The following BMP7 variants were observed in gnomAD, a reference collection of about 807,000 sequenced individuals.
The protein encoded by BMP7 is osteogenic protein 1.
BMP7 carries 12 observed loss-of-function variants against 41.2 expected under a neutral mutation model. The observed-to-expected ratio is 0.29, with a 90% CI of 0.19 to 0.47. The LOEUF is 0.47. Among genes scored for constraint, BMP7 ranks in the 20% least tolerant of loss-of-function variants. BMP7 has a pLI of 0.99. For missense variants in BMP7, 467 were observed against 606.0 expected, an observed-to-expected ratio of 0.77 and a Z score of 2.41; for synonymous variants, 248 against 250.0, an observed-to-expected ratio of 0.99 and a Z score of 0.07.
At position 57,265,910 on chromosome 20, in the gene BMP7, G is replaced by T. The variant is rs779479867; in HGVS notation, c.213C>A (p.His71Gln). The T allele has an allele frequency of 6.3e-7, 1 of 1,579,888 alleles. No individual in the cohort carries two copies. Among genetic ancestry groups the T allele is most frequent in the Non-Finnish European group, 8.6e-7 (1 of 1,162,540 alleles). Residue 71 changes from histidine (H) to glutamine (Q), a missense_variant, in exon 1 of 7, where the codon CAC becomes CAA. His to Gln is a conservative substitution (Grantham distance 24). This residue lies in a region of BMP7 where 407 missense variants were observed against 485.9 expected (regional missense o/e 0.84). Transcript: ENST00000395863. Reference sequence around the variant, plus strand: ...GTGCCGAGTTGTGCTTGCCCTGGAGGTGCGGGCGCGGGCGGTGGGGCAAGC... The same window carrying T: ...GTGCCGAGTTGTGCTTGCCCTGGAGTTGCGGGCGCGGGCGGTGGGGCAAGC... ...ILGLPHRPRPHLQGKHNSAPM... is the reference protein window; with the variant it reads ...ILGLPHRPRPQLQGKHNSAPM...
At chr20:57,250,346 T>C (rs542034270) in intron 1 of BMP7, among the ~76,000 whole-genome samples, 1 of 144,988 alleles carries the variant, frequency 6.9e-6, no homozygotes, top group South Asian at 2.1e-4. Context: ...AATATATATC[T>C]ATATTAAATA....
At chr20:57,187,259 TG>T (rs1329919905) in intron 3 of BMP7, 1 of 152,204 alleles carries the variant, frequency 6.6e-6, no homozygotes, top group Non-Finnish European at 1.5e-5. Flanking sequence ...GCAAGTTGTA[TG>T]CTGGGGCCTG....
chr20:57,194,441 C>G (rs1984445989), intron 3 of BMP7, among the ~76,000 whole-genome samples: 1 of 152,134 alleles, frequency 6.6e-6, no homozygotes, highest in Non-Finnish European at 1.5e-5. Flanking sequence ...AAAACGAACG[C>G]CTGACGCTCA....
At chr20:57,262,216 C>T (rs1294068898) in intron 1 of BMP7, among the ~76,000 whole-genome samples, 1 of 152,186 alleles carries the variant, frequency 6.6e-6, no homozygotes, top group African/African-American at 2.4e-5. Context: ...GCGGAGTCGC[C>T]ATTGCCTGGG....
intron 1 of BMP7, among the ~76,000 whole-genome samples, chr20:57,233,995 C>T (rs1425734090): frequency 6.6e-6 from 1 of 152,182 alleles, no homozygotes; most frequent in Non-Finnish European, 1.5e-5. Context: ...TGATTTTGTG[C>T]TGGGCATAGC....
intron 3 of BMP7, among the ~76,000 whole-genome samples, chr20:57,201,618 G>A (rs1017437005): frequency 2.0e-5 from 3 of 152,202 alleles, no homozygotes; most frequent in Non-Finnish European, 2.9e-5. Context: ...AGCTCCAAAG[G>A]CAAACATTGT....
intron 1 of BMP7, among the ~76,000 whole-genome samples, chr20:57,231,357 G>C (rs1214115878): frequency 6.6e-6 from 1 of 152,234 alleles, no homozygotes; most frequent in East Asian, 1.9e-4. Context: ...AAGCAGTGCT[G>C]CTATGAACAT....
At chr20:57,207,811 G>GTGTTTTTT (rs1984768102) in intron 2 of BMP7, among the ~76,000 whole-genome samples, 1 of 109,982 alleles carries the variant, frequency 9.1e-6, no homozygotes. Context: ...ACCCCAGTTG[G>GTGTTTTTT]TTTTTTTTTT....
At chr20:57,236,044 G>A (rs1202484490) in intron 1 of BMP7, among the ~76,000 whole-genome samples, 1 of 152,088 alleles carries the variant, frequency 6.6e-6, no homozygotes. Flanking sequence ...CCTGGCACCC[G>A]AGGTAGGCAT....
Position 57,228,461 on chromosome 20 carries a change from A to C in BMP7, c.419-40T>G. The C allele has an allele frequency of 3.9e-5, 63 of 1,603,144 alleles. No individual in the cohort carries two copies. The highest frequency in any genetic ancestry group is 1.7e-4 in the Middle Eastern group (1 of 6,050). ...GAACACACACCAACACCGACAGCTC[A>C]TTAGTGTCTGGGTTTCACTCTCTGG... On this transcript the variant is annotated intron_variant, in intron 1 of 6. Transcript: ENST00000395863. The surrounding 1 kb of genome is among the most constrained non-coding windows in gnomAD (Gnocchi z 4.5).
intron 1 of BMP7, among the ~76,000 whole-genome samples, chr20:57,262,335 G>A (rs2066157467): frequency 6.6e-6 from 1 of 152,174 alleles, no homozygotes; most frequent in Non-Finnish European, 1.5e-5. Flanking sequence ...GAACTTAAGG[G>A]GCCCAGGCTG....
At chr20:57,188,107 C>A (rs1984260843) in intron 3 of BMP7, among the ~76,000 whole-genome samples, 1 of 152,098 alleles carries the variant, frequency 6.6e-6, no homozygotes, top group Non-Finnish European at 1.5e-5. Context: ...GGCGTGTACC[C>A]ACGAGAACTG....
rs964245532 is a variant in BMP7 at position 57,174,425 on chromosome 20, C to T, written c.1035+506G>A. Among the ~76,000 whole-genome samples the T allele has an allele frequency of 6.6e-6, 1 of 152,156 alleles. No homozygotes were observed. The highest frequency in any genetic ancestry group is 6.5e-5 in the Admixed American group (1 of 15,278). On this transcript the variant is annotated intron_variant, in intron 5 of 6. Transcript: ENST00000395863. The surrounding 1 kb of genome is among the most constrained non-coding windows in gnomAD (Gnocchi z 4.3). ...CCTAGGATTCATCCCCTGCCTTTTG[C>T]CTCACTCCATGCAAATGGCTCCAGA...
chr20:57,265,590 C>T (rs1457282890), intron 1 of BMP7, 115 bp downstream of exon 1: 3 of 1,475,980 alleles, frequency 2.0e-6, no homozygotes, highest in Non-Finnish European at 2.8e-6. Flanking sequence ...GCAGGCACTG[C>T]GATTTCAGCC....
At position 57,215,375 on chromosome 20, in the gene BMP7, G is replaced by C. The variant is rs1984988267; in HGVS notation, c.612-12752C>G. 6.6e-6 allele frequency: 1 copy of C among 152,322 alleles called. No homozygotes were observed. Among genetic ancestry groups the C allele is most frequent in the South Asian group, 2.1e-4 (1 of 4,830 alleles). 9.4% of individuals were successfully genotyped at this position (152,322 alleles called of 1,614,324 possible). On this transcript the variant is annotated intron_variant, in intron 2 of 6. Coordinates refer to ENST00000395863, the MANE Select transcript of BMP7 (RefSeq NM_001719.3). This position sits in a 1 kb window ranked among gnomAD's most constrained non-coding sequence, Gnocchi z 4.2. ...TCAAGAGGACTCAGGTGGGCAGAAA[G>C]CAACAGCTGGGAAGAAAGCACATCT...
Position 57,174,948 on chromosome 20 carries a change from G to C in BMP7, c.1018C>G (p.Arg340Gly). ...CCCCTTACCTGCCAGCCCAGGTCTC[G>C]GAAGCTGACATACAGCTCGTGCTTC... Reference protein sequence around the residue: ...CKKHELYVSFRDLGWQDWIIA... With the variant: ...CKKHELYVSFGDLGWQDWIIA... The change falls in exon 5 of 7, where the codon CGA (arginine) becomes GGA (glycine). Residue 340 changes from arginine (R) to glycine (G), a missense_variant. Around this residue, in one of 2 missense-constraint regions of BMP7, gnomAD observed 407 missense variants for 485.9 expected, o/e 0.84. Coordinates refer to ENST00000395863, the MANE Select transcript of BMP7 (RefSeq NM_001719.3). The surrounding 1 kb of genome is among the most constrained non-coding windows in gnomAD (Gnocchi z 4.3). 6.2e-7 allele frequency: 1 copy of C among 1,611,946 alleles called. No individual in the cohort carries two copies.
chr20:57,242,701 T>C (rs1011672958), intron 1 of BMP7, among the ~76,000 whole-genome samples: 3 of 152,212 alleles, frequency 2.0e-5, no homozygotes, highest in African/African-American at 4.8e-5. Context: ...TTCATTGTAA[T>C]TAATTTAAAT....
chr20:57,208,376 A>G (rs1179780760), intron 2 of BMP7, among the ~76,000 whole-genome samples: 2 of 152,208 alleles, frequency 1.3e-5, no homozygotes, highest in Non-Finnish European at 2.9e-5. Flanking sequence ...GCAAATTGAA[A>G]CCACAGTGAG....
At chr20:57,260,793 G>A (rs2066151059) in intron 1 of BMP7, among the ~76,000 whole-genome samples, 1 of 152,232 alleles carries the variant, frequency 6.6e-6, no homozygotes, top group Non-Finnish European at 1.5e-5. Context: ...GTGCCAGAGT[G>A]CATTAAGGCG....
Sources: gnomAD v4.1 joint callset for allele counts (sites outside exome capture counted in the v4.1 genomes callset) on GRCh38, gnomAD v4.1.1 for gene constraint, gnomAD v4.1.1 regional missense constraint, Gnocchi (gnomAD v3.1) non-coding constraint, MANE v1.5 for transcripts, NCBI Gene and HGNC (gene_info 2026-07-23, HGNC 2026-07-21) for gene names.